Variants in DSTN observed in about 807,000 individuals in gnomAD.
The protein encoded by DSTN is destrin, actin depolymerizing factor.
In DSTN, 10 loss-of-function variants were observed where a neutral mutation model predicts 16.8. The observed-to-expected ratio is 0.60, with a 90% CI of 0.37 to 1.01. DSTN has a LOEUF of 1.01. Among genes scored for constraint, DSTN ranks in the 50% least tolerant of loss-of-function variants. The pLI, the probability that DSTN is intolerant of heterozygous loss-of-function variation, is 0.01. For synonymous variants in DSTN, 57 were observed against 58.9 expected (o/e 0.97, Z 0.14); for missense variants, 141 against 196.7 (o/e 0.72, Z 1.69).
Position 17,607,077 on chromosome 20 carries a change from C to G in DSTN, c.429C>G (p.Leu143=). Residue 143 remains leucine, a synonymous_variant, in exon 4 of 4, where the codon CTC becomes CTG. Transcript: ENST00000246069. ...GTCAAGCAAATGGACCAGAAGATCTCAATCGGGCTTGTATTGCTGAAAAGT... is the reference window on the plus strand; with the variant it reads ...GTCAAGCAAATGGACCAGAAGATCTGAATCGGGCTTGTATTGCTGAAAAGT... ...HECQANGPED[L]NRACIAEKLG... is the part of the protein sequence containing the mutation. The G allele has an allele frequency of 6.2e-7, 1 of 1,613,718 alleles. No homozygotes were observed. Among genetic ancestry groups the G allele is most frequent in the Non-Finnish European group, 8.5e-7 (1 of 1,179,992 alleles).
chr20:17,580,943 A>G (rs1328061617), intron 1 of DSTN, among the ~76,000 whole-genome samples: 1 of 152,180 alleles, frequency 6.6e-6, no homozygotes, highest in African/African-American at 2.4e-5. Context: ...GACAGAAAAA[A>G]GGCTTGTGTG....
rs1340826762 is a variant in DSTN, at chr20:17,607,228, A to G, written c.*82A>G. 7.6e-7 allele frequency: 1 copy of G among 1,311,252 alleles called. No homozygotes were observed. Among genetic ancestry groups the G allele is most frequent in the Non-Finnish European group, 1.1e-6 (1 of 938,108 alleles). 81.2% of individuals were successfully genotyped at this position (1,311,252 alleles called of 1,614,324 possible). A position where few individuals can be genotyped will look rare whatever the true frequency, so the allele number is the denominator to read the frequency against. ...TAAATAAAGCAAATATATTTAGGCC[A>G]GGGTCTCACTGAGGGGGAGCTGTCT... is the stretch of plus-strand genomic sequence containing the variant. On this transcript the variant is annotated 3_prime_UTR_variant, in exon 4 of 4. Coordinates refer to ENST00000246069, the MANE Select transcript of DSTN (RefSeq NM_006870.4).
chr20:17,572,060 A>G (rs921882559), intron 1 of DSTN, among the ~76,000 whole-genome samples: 2 of 152,228 alleles, frequency 1.3e-5, no homozygotes, highest in Non-Finnish European at 2.9e-5. Context: ...TGTGGGTATT[A>G]TCCCAGAGTC....
In DSTN at chr20:17,598,064, A is replaced by G. The variant is rs116630761; in HGVS notation, c.4-2674A>G. On this transcript the variant is annotated intron_variant, in intron 1 of 3. Coordinates refer to ENST00000246069, the MANE Select transcript of DSTN (RefSeq NM_006870.4). ...CCAAGAAATATTCCATTGTGTGGAT[A>G]TACTACATCTTAAAAATCTATTCAT... 1.7e-3 allele frequency among the ~76,000 whole-genome samples: 257 copies of G among 152,282 alleles called. 2 individuals are homozygous for G. Among genetic ancestry groups the G allele is most frequent in the African/African-American group, 5.8e-3 (241 of 41,544 alleles).
Position 17,600,975 on chromosome 20 carries a change from C to T in DSTN, c.241C>T (p.Arg81Cys), listed in dbSNP as rs746203319. The stretch of plus-strand genomic sequence containing the variant: ...GGGAATGCTTCCTGAAAAAGATTGT[C>T]GCTATGCTTTGTATGATGCAAGCTT... The part of the protein sequence containing the change: ...FVGMLPEKDC[R>C]YALYDASFET... Residue 81 changes from arginine to cysteine, a missense_variant, in exon 2 of 4, where the codon CGC becomes TGC. Coordinates refer to ENST00000246069, the MANE Select transcript of DSTN (RefSeq NM_006870.4). The T allele has an allele frequency of 6.2e-6, 10 of 1,613,806 alleles. No homozygotes were observed. Among genetic ancestry groups the T allele is most frequent in the Non-Finnish European group, 8.5e-6 (10 of 1,179,934 alleles).
At chr20:17,593,948 G>A (rs2035498039) in intron 1 of DSTN, among the ~76,000 whole-genome samples, 1 of 152,016 alleles carries the variant, frequency 6.6e-6, no homozygotes, top group Non-Finnish European at 1.5e-5. Context: ...TGGGCATGGT[G>A]GCACGTGCTT....
intron 1 of DSTN, among the ~76,000 whole-genome samples, chr20:17,589,625 C>G (rs2035448871): frequency 6.6e-6 from 1 of 152,304 alleles, no homozygotes; most frequent in African/African-American, 2.4e-5. Flanking sequence ...TCAGAAGCAT[C>G]AATTATAGCA....
chr20:17,606,799 T>C (rs566731934), intron 3 of DSTN, among the ~76,000 whole-genome samples: 1 of 152,336 alleles, frequency 6.6e-6, no homozygotes, highest in African/African-American at 2.4e-5. Flanking sequence ...TACCTATATA[T>C]ATAATAGAAT....
At chr20:17,592,809 A>G (rs890522799) in intron 1 of DSTN, among the ~76,000 whole-genome samples, 2 of 152,126 alleles carry the variant, frequency 1.3e-5, no homozygotes, top group Non-Finnish European at 2.9e-5. Context: ...GTGATTGTCA[A>G]CTACAATTGA....
intron 2 of DSTN, 75 bp downstream of exon 2, chr20:17,601,120 A>C: frequency 6.8e-7 from 1 of 1,470,208 alleles, no homozygotes; most frequent in Non-Finnish European, 9.1e-7. Flanking sequence ...TCCAGCACCA[A>C]AGTAATTTTT....
At chr20:17,580,770 G>T (rs182407368) in intron 1 of DSTN, among the ~76,000 whole-genome samples, 1 of 151,726 alleles carries the variant, frequency 6.6e-6, no homozygotes, top group Non-Finnish European at 1.5e-5. Flanking sequence ...AAAATGGGAA[G>T]TACTGGAAGA....
chr20:17,578,972 A>G (rs1048761965), intron 1 of DSTN, among the ~76,000 whole-genome samples: 2 of 151,966 alleles, frequency 1.3e-5, no homozygotes, highest in Admixed American at 1.3e-4. Context: ...AAAAAAAAAA[A>G]AAAAAAAAAG....
intron 2 of DSTN, among the ~76,000 whole-genome samples, chr20:17,601,939 C>CT (rs5840777): frequency 0.4 from 56,672 of 141,414 alleles, 11,598 homozygotes; most frequent in East Asian, 0.64. Flanking sequence ...TGATTTTTTT[C>CT]TTTTTTTTTT....
intron 1 of DSTN, among the ~76,000 whole-genome samples, chr20:17,571,641 ACT>A (rs2035208651): frequency 6.6e-6 from 1 of 152,144 alleles, no homozygotes; most frequent in Admixed American, 6.5e-5. Flanking sequence ...AAGACCATTC[ACT>A]CTGTGAAAGT....
At chr20:17,570,663 C>T (rs1056275055) in intron 1 of DSTN, among the ~76,000 whole-genome samples, 1 of 152,234 alleles carries the variant, frequency 6.6e-6, no homozygotes, top group Non-Finnish European at 1.5e-5. Context: ...CGCTTGGTGA[C>T]TTGTGCGCGT....
At chr20:17,599,710 A>G (rs2035566010) in intron 1 of DSTN, 1 of 152,256 alleles carries the variant, frequency 6.6e-6, no homozygotes, top group African/African-American at 2.4e-5. Context: ...GACATTGGGC[A>G]TATACTCCTT....
chr20:17,593,070 A>AT (rs2035487497), intron 1 of DSTN, among the ~76,000 whole-genome samples: 1 of 152,106 alleles, frequency 6.6e-6, no homozygotes, highest in Non-Finnish European at 1.5e-5. Flanking sequence ...GGCCTTTTCC[A>AT]TCTCAACCTG....
At position 17,570,313 on chromosome 20, in the gene DSTN, C is replaced by G. The variant is rs2122147964; in HGVS notation, c.3+102C>G. 3.7e-6 allele frequency: 5 copies of G among 1,344,448 alleles called. No homozygotes were observed. In the South Asian group the frequency reaches 8.5e-5, roughly 23 times the overall value. The allele number at this position is 1,344,448 out of a possible 1,614,324, so 83.3% of individuals were successfully genotyped here. On this transcript the variant is annotated intron_variant, in intron 1 of 3. Coordinates refer to ENST00000246069, the MANE Select transcript of DSTN (RefSeq NM_006870.4). ...CTAAGGGGGTGAGCCGTGCCTCAGCCCGGGGAGGGACCCGGTCCGGCTGCA... is the reference window on the plus strand; with the variant it reads ...CTAAGGGGGTGAGCCGTGCCTCAGCGCGGGGAGGGACCCGGTCCGGCTGCA...
chr20:17,607,296 A>G lies in DSTN; in HGVS notation c.*150A>G, dbSNP rs991697980. 5 of 554,706 alleles carry G rather than the reference A, an allele frequency of 9.0e-6. No individual in the cohort carries two copies. Among genetic ancestry groups the G allele is most frequent in the African/African-American group, 7.7e-5 (4 of 51,814 alleles). The allele number at this position is 554,706 out of a possible 1,614,324, so 34.4% of individuals were successfully genotyped here. On this transcript the variant is annotated 3_prime_UTR_variant, in exon 4 of 4. Coordinates refer to ENST00000246069, the MANE Select transcript of DSTN (RefSeq NM_006870.4). ...AACTATTCTATAAACATATGCAAAC[A>G]GCCCTAAATAAATCTAAAGTCTAAA...
Sources: gnomAD v4.1 joint callset for allele counts (sites outside exome capture counted in the v4.1 genomes callset) on GRCh38, gnomAD v4.1.1 for gene constraint, MANE v1.5 for transcripts, NCBI Gene and HGNC (gene_info 2026-07-23, HGNC 2026-07-21) for gene names.